Variants in ZFAT observed in about 807,000 individuals in gnomAD.
The protein encoded by ZFAT is zinc finger protein ZFAT.
A neutral mutation model predicts 117.7 loss-of-function variants in ZFAT; 64 were observed. That is an observed-to-expected ratio of 0.54 (90% confidence interval 0.44 to 0.67). The LOEUF is 0.67. Ranked by LOEUF, ZFAT falls within the 30% of genes least tolerant of loss-of-function variation. ZFAT has a pLI of 0.00. For synonymous variants in ZFAT, 679 were observed against 615.0 expected (o/e 1.10, Z -1.54); for missense variants, 1,433 against 1,584.5 (o/e 0.90, Z 1.62).
chr8:134,542,168 C>T (rs1822304093), intron 11 of ZFAT, among the ~76,000 whole-genome samples: 1 of 152,194 alleles, frequency 6.6e-6, no homozygotes, highest in African/African-American at 2.4e-5. Context: ...CTCCCTCTAT[C>T]CGGAACACCC....
chr8:134,736,133 G>A, the ZFAT span, among the ~76,000 whole-genome samples: 3 of 151,916 alleles, frequency 2.0e-5, no homozygotes, highest in Non-Finnish European at 4.4e-5. Flanking sequence ...TCAACAGCGA[G>A]ATTCAGGGAG....
chr8:134,696,654 A>G (rs940649898), intron 1 of ZFAT: 17 of 967,302 alleles, frequency 1.8e-5, no homozygotes, highest in Admixed American at 6.2e-5. Flanking sequence ...GGGACAGGGC[A>G]TCCTGCCGCC....
chr8:134,704,189 G>C (rs527340796), intron 1 of ZFAT, among the ~76,000 whole-genome samples: 1 of 152,158 alleles, frequency 6.6e-6, no homozygotes, highest in African/African-American at 2.4e-5. Context: ...CCCCGAGGAA[G>C]GGTCTTCCCA....
chr8:134,795,365 T>A, the ZFAT span: 1 of 152,222 alleles, frequency 6.6e-6, no homozygotes, highest in African/African-American at 2.4e-5. Context: ...TAATCAATCA[T>A]GCCTACAGAC....
the ZFAT span, among the ~76,000 whole-genome samples, chr8:134,787,175 G>T: frequency 6.6e-6 from 1 of 151,976 alleles, no homozygotes; most frequent in African/African-American, 2.4e-5. Flanking sequence ...GATTAATTTT[G>T]CCAGGCGAGT....
In ZFAT at chr8:134,588,322, G is replaced by A; in HGVS notation, c.2637C>T (p.Ala879=). The A allele has an allele frequency of 1.3e-6, 2 of 1,588,720 alleles. No individual in the cohort carries two copies. Among genetic ancestry groups the A allele is most frequent in the Non-Finnish European group, 1.7e-6 (2 of 1,166,772 alleles). ...VQLKGLIGKR[A]MKCPYCDFYF... ...AAAAGTCACAATATGGGCATTTCATGGCTCTCTTTCCAATTAGCCCTTTCA... is the reference window on the plus strand; with the variant it reads ...AAAAGTCACAATATGGGCATTTCATAGCTCTCTTTCCAATTAGCCCTTTCA... Residue 879 remains alanine (A), a synonymous_variant, in exon 9 of 16, where the codon GCC becomes GCT. Coordinates refer to ENST00000377838, the MANE Select transcript of ZFAT (RefSeq NM_020863.4).
At chr8:134,605,611 T>C (rs975816802) in intron 5 of ZFAT, among the ~76,000 whole-genome samples, 3 of 151,260 alleles carry the variant, frequency 2.0e-5, no homozygotes, top group African/African-American at 7.3e-5. Flanking sequence ...TACTCCTTAA[T>C]CCAGTTATTC....
intron 14 of ZFAT, among the ~76,000 whole-genome samples, chr8:134,511,707 A>G (rs971229681): frequency 6.6e-6 from 1 of 152,192 alleles, no homozygotes; most frequent in Non-Finnish European, 1.5e-5. Context: ...TGTTCTGTTC[A>G]TCTTTTAAAA....
the ZFAT span, among the ~76,000 whole-genome samples, chr8:134,767,429 A>T: frequency 1.3e-5 from 2 of 152,192 alleles, no homozygotes; most frequent in Non-Finnish European, 2.9e-5. Flanking sequence ...GAGCTTCTTT[A>T]TTCTTAGTAA....
At chr8:134,647,082 A>G (rs1432951914) in intron 2 of ZFAT, among the ~76,000 whole-genome samples, 1 of 152,218 alleles carries the variant, frequency 6.6e-6, no homozygotes, top group Non-Finnish European at 1.5e-5. Flanking sequence ...ACAAAAAAAG[A>G]AAATTACAGG....
At chr8:134,515,821 C>T (rs1460934046) in intron 13 of ZFAT, among the ~76,000 whole-genome samples, 2 of 152,166 alleles carry the variant, frequency 1.3e-5, no homozygotes, top group African/African-American at 4.8e-5. Context: ...CAGGATTATT[C>T]TGAAGCAAAT....
At chr8:134,708,964 A>T (rs554624600) in intron 1 of ZFAT, among the ~76,000 whole-genome samples, 1 of 152,118 alleles carries the variant, frequency 6.6e-6, no homozygotes, top group South Asian at 2.1e-4. Flanking sequence ...AAATTAATTT[A>T]ATTTAATTTT....
chr8:134,832,002 G>C, the ZFAT span, among the ~76,000 whole-genome samples: 1 of 148,712 alleles, frequency 6.7e-6, no homozygotes, highest in Non-Finnish European at 1.5e-5. Context: ...GTCGGGGGTC[G>C]GGCGAGGAGG....
At chr8:134,590,381 T>C in intron 7 of ZFAT, 26 bp from the exon 8 acceptor site, 1 of 1,572,020 alleles carries the variant, frequency 6.4e-7, no homozygotes, top group Non-Finnish European at 8.7e-7. Flanking sequence ...ACATAATCAG[T>C]TGACTTTCTC....
chr8:134,721,371 A>T, the ZFAT span, among the ~76,000 whole-genome samples: 1 of 152,172 alleles, frequency 6.6e-6, no homozygotes, highest in Non-Finnish European at 1.5e-5. Context: ...TCCACCACTG[A>T]TGCTGCTGTA....
chr8:134,580,209 A>G (rs1825623368), intron 10 of ZFAT, among the ~76,000 whole-genome samples: 1 of 151,610 alleles, frequency 6.6e-6, no homozygotes, highest in African/African-American at 2.4e-5. Flanking sequence ...AAATCACCCT[A>G]CTAGGAAGGG....
intron 9 of ZFAT, among the ~76,000 whole-genome samples, chr8:134,586,924 G>A (rs1056399744): frequency 5.9e-5 from 9 of 152,156 alleles, no homozygotes; most frequent in African/African-American, 2.2e-4. Flanking sequence ...GGTAAAATGG[G>A]GATGGTAACA....
intron 2 of ZFAT, 73 bp downstream of exon 2, chr8:134,657,488 C>G: frequency 7.1e-7 from 1 of 1,409,214 alleles, no homozygotes; most frequent in African/African-American, 1.4e-5. Context: ...TAGGCTTCTG[C>G]TATGCCCACG....
chr8:134,814,887 T>A, the ZFAT span, among the ~76,000 whole-genome samples: 1 of 152,234 alleles, frequency 6.6e-6, no homozygotes, highest in Admixed American at 6.5e-5. Flanking sequence ...GATGTCACTA[T>A]CTTCTCTCAT....
Sources: gnomAD v4.1 joint callset for allele counts (sites outside exome capture counted in the v4.1 genomes callset) on GRCh38, gnomAD v4.1.1 for gene constraint, MANE v1.5 for transcripts, NCBI Gene and HGNC (gene_info 2026-07-23, HGNC 2026-07-21) for gene names.